The following MMP11 variants were observed in gnomAD, a reference collection of about 807,000 sequenced individuals.
MMP11 encodes the protein matrix metallopeptidase 11.
A neutral mutation model predicts 49.5 loss-of-function variants in MMP11; 26 were observed. That is an observed-to-expected ratio of 0.52 (90% confidence interval 0.38 to 0.73). The LOEUF (loss-of-function observed/expected upper bound fraction) is 0.73, where lower values mean the gene tolerates loss of function less well. Among genes scored for constraint, MMP11 ranks in the 30% least tolerant of loss-of-function variants. The pLI, the probability that MMP11 is intolerant of heterozygous loss-of-function variation, is 0.00. For missense variants in MMP11, 624 were observed against 671.2 expected, an observed-to-expected ratio of 0.93 and a Z score of 0.78; for synonymous variants, 265 against 282.3, an observed-to-expected ratio of 0.94 and a Z score of 0.62.
chr22:23,774,537 C>A (rs984093534), intron 1 of MMP11, among the ~76,000 whole-genome samples: 1 of 152,042 alleles, frequency 6.6e-6, no homozygotes, highest in Non-Finnish European at 1.5e-5. Flanking sequence ...ACGAAGCTAC[C>A]GTCCCTCCTG....
chr22:23,779,977 C>A, intron 2 of MMP11: 1 of 287,882 alleles, frequency 3.5e-6, no homozygotes, highest in Admixed American at 4.5e-5. Context: ...GAAGAATGGG[C>A]TGGTGTCACA....
rs779781085 is a variant in MMP11 at position 23,783,495 on chromosome 22, T to C, written c.1418T>C (p.Val473Ala). 1 of 1,614,200 alleles carries C rather than the reference T, an allele frequency of 6.2e-7. No homozygotes were observed. Among genetic ancestry groups the C allele is most frequent in the Non-Finnish European group, 8.5e-7 (1 of 1,180,024 alleles). Residue 473 changes from valine to alanine, a missense_variant, in exon 8 of 8, where the codon GTG (valine) becomes GCG (alanine). Transcript: ENST00000215743. The part of the protein sequence containing the change: ...VKALEGFPRL[V>A]GPDFFGCAEP... ...GCTCTGGAAGGCTTCCCCCGTCTCG[T>C]GGGTCCTGACTTCTTTGGCTGTGCC...
chr22:23,781,567 C>A, intron 6 of MMP11, 158 bp downstream of exon 6: 1 of 724,374 alleles, frequency 1.4e-6, no homozygotes, highest in Non-Finnish European at 2.3e-6. Context: ...GTTTGTTCCT[C>A]AGGCACAGGT....
At position 23,780,855 on chromosome 22, in the gene MMP11, T is replaced by C. The variant is rs1454412340; in HGVS notation, c.617-4T>C. ...GGGGTTGCTGAGCCACCTCCCTTTTTCAGGCACAGACCTGCTGCAGGTGGC... is the reference window on the plus strand; with the variant it reads ...GGGGTTGCTGAGCCACCTCCCTTTTCCAGGCACAGACCTGCTGCAGGTGGC... On this transcript the variant is annotated splice_region_variant and splice_polypyrimidine_tract_variant and intron_variant, in intron 4 of 7. Transcript: ENST00000215743. The surrounding 1 kb of genome is among the most constrained non-coding windows in gnomAD (Gnocchi z 4.6). 1.9e-6 allele frequency: 3 copies of C among 1,611,658 alleles called. No individual in the cohort carries two copies. Among genetic ancestry groups the C allele is most frequent in the Non-Finnish European group, 2.5e-6 (3 of 1,178,656 alleles).
In MMP11 at chr22:23,782,235, A is replaced by G. The variant is rs1473159844; in HGVS notation, c.1085A>G (p.Tyr362Cys). Reference protein sequence around the residue: ...GHIWFFQGAQYWVYDGEKPVL... With the variant: ...GHIWFFQGAQCWVYDGEKPVL... ...CTTCCCTCTCCGGCAGGTGCTCAGT[A>G]CTGGGTGTACGACGGTGAAAAGCCA... is the stretch of plus-strand genomic sequence containing the variant. Residue 362 changes from tyrosine (Y) to cysteine (C), a missense_variant, in exon 7 of 8, where the codon TAC (tyrosine) becomes TGC (cysteine). Tyr to Cys is a radical substitution (Grantham distance 194). Transcript: ENST00000215743. 31 of 1,612,616 alleles carry G rather than the reference A, an allele frequency of 1.9e-5. No individual in the cohort carries two copies. Among genetic ancestry groups the G allele is most frequent in the Non-Finnish European group, 2.5e-5 (29 of 1,179,804 alleles).
In MMP11 at chr22:23,783,431, G is replaced by T; in HGVS notation, c.1354G>T (p.Gly452Cys). Residue 452 changes from glycine to cysteine, a missense_variant, in exon 8 of 8, where the codon GGC becomes TGC. Coordinates refer to ENST00000215743, the MANE Select transcript of MMP11 (RefSeq NM_005940.5). ...CTCAGGCTATGCCTACTTCCTGCGC[G>T]GCCGCCTCTACTGGAAGTTTGACCC... is the stretch of plus-strand genomic sequence containing the variant. ...DADGYAYFLRGRLYWKFDPVK... is the reference protein window; with the variant it reads ...DADGYAYFLRCRLYWKFDPVK... The T allele has an allele frequency of 1.2e-6, 2 of 1,614,172 alleles. No homozygotes were observed. The highest frequency in any genetic ancestry group is 1.6e-4 in the Middle Eastern group (1 of 6,062).
chr22:23,773,732 C>T (rs756165342), intron 1 of MMP11, among the ~76,000 whole-genome samples: 3 of 152,174 alleles, frequency 2.0e-5, no homozygotes, highest in African/African-American at 7.2e-5. Context: ...CCAAAAGCTG[C>T]CCCTTCCCTG....
intron 6 of MMP11, chr22:23,781,710 C>T (rs915505287): frequency 9.2e-6 from 6 of 650,324 alleles, no homozygotes; most frequent in South Asian, 3.1e-5. Context: ...TCTGGGGCCC[C>T]GAGGCAGTGA....
intron 6 of MMP11, chr22:23,781,916 C>T (rs1171785380): frequency 7.6e-6 from 5 of 661,752 alleles, no homozygotes; most frequent in Non-Finnish European, 1.4e-5. Context: ...CTGCAGGGGC[C>T]CAGGGAGTGG....
chr22:23,779,460 C>T lies in MMP11; in HGVS notation c.338+44C>T, dbSNP rs760023833. 3.5e-5 allele frequency: 53 copies of T among 1,521,034 alleles called. No individual in the cohort carries two copies. In the South Asian group the frequency reaches 3.8e-4, roughly 11 times the overall value. The allele number at this position is 1,521,034 out of a possible 1,614,324, so 94.2% of individuals were successfully genotyped here. A position where few individuals can be genotyped will look rare whatever the true frequency, so the allele number is the denominator to read the frequency against. On this transcript the variant is annotated intron_variant, in intron 2 of 7. Coordinates refer to ENST00000215743, the MANE Select transcript of MMP11 (RefSeq NM_005940.5). The stretch of plus-strand genomic sequence containing the variant: ...GACACTAGGATGCCACCTGTGTGTC[C>T]GTGGGTAAGCCAGCTGCCCTCACAG...
At chr22:23,781,467 C>G (rs1328169377) in intron 6 of MMP11, 58 bp downstream of exon 6, 10 of 1,469,838 alleles carry the variant, frequency 6.8e-6, no homozygotes, top group African/African-American at 2.8e-5. Flanking sequence ...ATGTTATGGC[C>G]AAGGGCAGGA....
chr22:23,782,407 C>T lies in MMP11; in HGVS notation c.1257C>T (p.Asp419=), dbSNP rs761735938. Residue 419 remains aspartate (D), a synonymous_variant, in exon 7 of 8, where the codon GAC becomes GAT. Transcript: ENST00000215743. The stretch of plus-strand genomic sequence containing the variant: ...TCCACCCCAGCACCCGGCGTGTAGA[C>T]AGTCCCGTGCCCCGCAGGGCCACTG... ...WRFHPSTRRV[D]SPVPRRATDW... 8.2e-5 allele frequency: 133 copies of T among 1,613,764 alleles called. 1 individual carries two copies. The highest frequency in any genetic ancestry group is 9.2e-5 in the Non-Finnish European group (108 of 1,180,008).
chr22:23,779,455 G>C, intron 2 of MMP11, 39 bp downstream of exon 2: 2 of 1,541,052 alleles, frequency 1.3e-6, no homozygotes, highest in Admixed American at 1.8e-5. Context: ...TGCCACCTGT[G>C]TGTCCGTGGG....
intron 2 of MMP11, 189 bp downstream of exon 2, chr22:23,779,605 C>T: frequency 1.7e-6 from 1 of 595,468 alleles, no homozygotes; most frequent in East Asian, 2.8e-5. Flanking sequence ...GACACATACA[C>T]ATATGGAGAC....
chr22:23,783,783 AAGGGC>A lies in MMP11; in HGVS notation c.*242_*246del, dbSNP rs1289287830. 5.2e-6 allele frequency: 3 copies of A among 581,564 alleles called. No individual in the cohort carries two copies. The highest frequency in any genetic ancestry group is 9.2e-6 in the Non-Finnish European group (3 of 327,198). 36.0% of individuals were successfully genotyped at this position (581,564 alleles called of 1,614,324 possible). On this transcript the variant is annotated 3_prime_UTR_variant, in exon 8 of 8. Coordinates refer to ENST00000215743, the MANE Select transcript of MMP11 (RefSeq NM_005940.5). Reference sequence around the variant, plus strand: ...GGAGGCTTTGGCATGACTTAAGAGGAAGGGCAGTCTTGGGCCCGCTATGCAGGTCC... The same window carrying A: ...GGAGGCTTTGGCATGACTTAAGAGGAAGTCTTGGGCCCGCTATGCAGGTCC...
rs777411602 is a variant in MMP11, at chr22:23,780,722, G to A, written c.616+7G>A. ...ACTATCGGGGATGACCAGGGTATGG[G>A]CTGGGGACCCATTTTCCAGATGGGG... On this transcript the variant is annotated splice_region_variant and intron_variant, in intron 4 of 7. Transcript: ENST00000215743. The surrounding 1 kb of genome is among the most constrained non-coding windows in gnomAD (Gnocchi z 4.6). The A allele has an allele frequency of 1.8e-5, 28 of 1,548,250 alleles. 1 individual carries two copies. Among genetic ancestry groups the A allele is most frequent in the Non-Finnish European group, 2.3e-5 (27 of 1,150,368 alleles).
At chr22:23,782,656 T>A in intron 7 of MMP11, 173 bp downstream of exon 7, 2 of 761,702 alleles carry the variant, frequency 2.6e-6, no homozygotes, top group East Asian at 2.7e-5. Context: ...ACATTCCATA[T>A]TGCAGATGAG....
At position 23,783,958 on chromosome 22, in the gene MMP11, T is replaced by G; in HGVS notation, c.*414T>G. ...CTGAAGCAAGGGTGCTGGGGCCCCA[T>G]GGCCTTCAGCCCTGGCTGAGCAACT... On this transcript the variant is annotated 3_prime_UTR_variant, in exon 8 of 8. Coordinates refer to ENST00000215743, the MANE Select transcript of MMP11 (RefSeq NM_005940.5). The G allele has an allele frequency of 5.1e-6, 1 of 194,422 alleles. No homozygotes were observed. Among genetic ancestry groups the G allele is most frequent in the East Asian group, 1.1e-4 (1 of 8,992 alleles). The allele number at this position is 194,422 out of a possible 1,614,324, so 12.0% of individuals were successfully genotyped here.
intron 1 of MMP11, among the ~76,000 whole-genome samples, chr22:23,774,582 A>G (rs1927345885): frequency 6.6e-6 from 1 of 152,128 alleles, no homozygotes; most frequent in Non-Finnish European, 1.5e-5. Context: ...TAGGAAGATT[A>G]GGTGGAAGCT....
Sources: allele counts gnomAD v4.1 joint callset (sites outside exome capture counted in the v4.1 genomes callset), GRCh38; gene constraint gnomAD v4.1.1; non-coding constraint Gnocchi (gnomAD v3.1); transcripts MANE v1.5; gene names NCBI Gene and HGNC (gene_info 2026-07-23, HGNC 2026-07-21).